CDKN2B-AS1: variants seen among roughly 807,000 people sequenced by gnomAD.
The protein encoded by CDKN2B-AS1 is CDKN2B antisense RNA 1 (non-protein coding).
chr9:22,102,261 GT>G (rs996015632), intron 4 of CDKN2B-AS1, among the ~76,000 whole-genome samples: 1 of 152,132 alleles, frequency 6.6e-6, no homozygotes, highest in African/African-American at 2.4e-5. Context: ...ATCAGTTTTA[GT>G]ACTGAAAAAT....
chr9:22,076,483 AAATT>A (rs1824497464), intron 4 of CDKN2B-AS1, among the ~76,000 whole-genome samples: 1 of 152,224 alleles, frequency 6.6e-6, no homozygotes, highest in African/African-American at 2.4e-5. Flanking sequence ...GAAACAGGTA[AAATT>A]AATTTAATTT....
intron 4 of CDKN2B-AS1, among the ~76,000 whole-genome samples, chr9:22,083,791 T>C (rs1824779121): frequency 6.6e-6 from 1 of 152,200 alleles, no homozygotes; most frequent in African/African-American, 2.4e-5. Context: ...TGTGTTGAGA[T>C]GGACTGGTCC....
At chr9:22,089,183 A>G (rs1254032237) in intron 4 of CDKN2B-AS1, among the ~76,000 whole-genome samples, 2 of 152,216 alleles carry the variant, frequency 1.3e-5, no homozygotes, top group Non-Finnish European at 2.9e-5. Context: ...ATTTCAAAAG[A>G]TAATAGTTAA....
chr9:22,030,668 C>T (rs1161881372), intron 1 of CDKN2B-AS1: 2 of 151,892 alleles, frequency 1.3e-5, no homozygotes, highest in Non-Finnish European at 1.5e-5. Flanking sequence ...CTGCAACTTA[C>T]TAGGTAAGTG....
intron 4 of CDKN2B-AS1, chr9:22,059,198 C>T (rs1823699997): frequency 1.3e-5 from 2 of 152,226 alleles, no homozygotes; most frequent in East Asian, 1.9e-4. Context: ...TCCAAAAGTC[C>T]ACAGTCCAAA....
At position 22,006,036 on chromosome 9, in the gene CDKN2B-AS1, C is replaced by T. The variant is rs1474891525; in HGVS notation, n.29+10875C>T. On this transcript the variant is annotated intron_variant and non_coding_transcript_variant, in intron 1 of 4. Transcript: ENST00000650946. This position sits in a 1 kb window ranked among gnomAD's most constrained non-coding sequence, Gnocchi z 6.4. ...GTACCCTGCAACGTCGCGGTGGCCCCGCTCCTCGGCCAAGTCCACGGGCAG... is the reference window on the plus strand; with the variant it reads ...GTACCCTGCAACGTCGCGGTGGCCCTGCTCCTCGGCCAAGTCCACGGGCAG... 1.9e-6 allele frequency: 3 copies of T among 1,604,294 alleles called. No homozygotes were observed. The highest frequency in any genetic ancestry group is 1.7e-6 in the Non-Finnish European group (2 of 1,179,482).
chr9:22,108,798 G>T (rs1825727479), intron 4 of CDKN2B-AS1, among the ~76,000 whole-genome samples: 1 of 152,022 alleles, frequency 6.6e-6, no homozygotes, highest in South Asian at 2.1e-4. Flanking sequence ...TCTTGTTTTG[G>T]ACTACTACAA....
At chr9:22,024,131 T>G (rs186658318) in intron 1 of CDKN2B-AS1, among the ~76,000 whole-genome samples, 35 of 152,332 alleles carry the variant, frequency 2.3e-4, no homozygotes, top group Non-Finnish European at 3.8e-4. Context: ...TTTATCCTAT[T>G]TGATGACCTT....
chr9:22,115,941 C>G (rs1463928213), intron 4 of CDKN2B-AS1, among the ~76,000 whole-genome samples: 1 of 152,166 alleles, frequency 6.6e-6, no homozygotes, highest in East Asian at 1.9e-4. Flanking sequence ...CCATTTTTTA[C>G]TCCTGTTCGG....
chr9:22,068,003 A>C (rs977896465), intron 4 of CDKN2B-AS1, among the ~76,000 whole-genome samples: 3 of 152,208 alleles, frequency 2.0e-5, no homozygotes, highest in Non-Finnish European at 2.9e-5. Context: ...ACAATAATTT[A>C]TTGAGCACAA....
At chr9:22,047,868 C>T (rs1185123390) in intron 2 of CDKN2B-AS1, among the ~76,000 whole-genome samples, 1 of 151,712 alleles carries the variant, frequency 6.6e-6, no homozygotes, top group Non-Finnish European at 1.5e-5. Context: ...TTCATTGCAG[C>T]CTCAACCTCT....
chr9:22,063,946 G>A (rs1166973193), intron 4 of CDKN2B-AS1: 1 of 152,214 alleles, frequency 6.6e-6, no homozygotes, highest in East Asian at 1.9e-4. Context: ...TCCCATAGGT[G>A]ATGGAGGCTT....
chr9:22,005,652 C>T lies in CDKN2B-AS1; in HGVS notation n.29+10491C>T. 2.1e-6 allele frequency: 1 copy of T among 473,034 alleles called. No individual in the cohort carries two copies. The allele number at this position is 473,034 out of a possible 1,614,324, so 29.3% of individuals were successfully genotyped here. A position where few individuals can be genotyped will look rare whatever the true frequency, so the allele number is the denominator to read the frequency against. On this transcript the variant is annotated intron_variant and non_coding_transcript_variant, in intron 1 of 4. Coordinates refer to ENST00000650946, the Ensembl canonical transcript of CDKN2B-AS1. This position sits in a 1 kb window ranked among gnomAD's most constrained non-coding sequence, Gnocchi z 4.9. ...GATTCATCCATCGGAAGATTCGTAGCCACCAGGTCCAGTCAAGGATTTCAT... is the reference window on the plus strand; with the variant it reads ...GATTCATCCATCGGAAGATTCGTAGTCACCAGGTCCAGTCAAGGATTTCAT...
chr9:22,006,842 T>A lies in CDKN2B-AS1; in HGVS notation n.29+11681T>A, dbSNP rs939323864. Among the ~76,000 whole-genome samples, 28 of 152,060 alleles carry A rather than the reference T, an allele frequency of 1.8e-4. No individual in the cohort carries two copies. Among genetic ancestry groups the A allele is most frequent in the African/African-American group, 6.5e-4 (27 of 41,402 alleles). ...TGTGTCTGAGCTCATAACTGGCTTG[T>A]AGTGTGATAATTTGAGCCAAAGTTG... On this transcript the variant is annotated intron_variant and non_coding_transcript_variant, in intron 1 of 4. Coordinates refer to ENST00000650946, the Ensembl canonical transcript of CDKN2B-AS1. The surrounding 1 kb of genome is among the most constrained non-coding windows in gnomAD (Gnocchi z 6.4).
Position 22,005,949 on chromosome 9 carries a change from GAAAAT to G in CDKN2B-AS1, n.29+10792_29+10796del. 6.3e-7 allele frequency: 1 copy of G among 1,597,218 alleles called. No individual in the cohort carries two copies. The highest frequency in any genetic ancestry group is 8.5e-7 in the Non-Finnish European group (1 of 1,179,222). Reference sequence around the variant, plus strand: ...TGGGTGGGGGTGGGAAATTGGGTAAGAAAATAAAGTCGTTGTGGGCGGCTGGGGAA... The same window carrying G: ...TGGGTGGGGGTGGGAAATTGGGTAAGAAAGTCGTTGTGGGCGGCTGGGGAA... On this transcript the variant is annotated intron_variant and non_coding_transcript_variant, in intron 1 of 4. Coordinates refer to ENST00000650946, the Ensembl canonical transcript of CDKN2B-AS1. The surrounding 1 kb of genome is among the most constrained non-coding windows in gnomAD (Gnocchi z 4.9).
rs181783301 is a variant in CDKN2B-AS1 at position 22,020,843 on chromosome 9, G to C, written n.29+25682G>C. Among the ~76,000 whole-genome samples the C allele has an allele frequency of 1.3e-3, 201 of 152,290 alleles. 1 individual carries two copies. The highest frequency in any genetic ancestry group is 4.5e-3 in the African/African-American group (189 of 41,566). On this transcript the variant is annotated intron_variant and non_coding_transcript_variant, in intron 1 of 4. Coordinates refer to ENST00000650946, the Ensembl canonical transcript of CDKN2B-AS1. ...CTGTAGGTTGTCTGTTTACTCTGTT[G>C]ATAGTTTCTTTTACCGTGCAGAAGC...
chr9:22,014,766 C>T (rs919775973), intron 1 of CDKN2B-AS1, among the ~76,000 whole-genome samples: 1 of 121,868 alleles, frequency 8.2e-6, no homozygotes, highest in Admixed American at 9.4e-5. Flanking sequence ...CCCCTCCCCC[C>T]ACCCCACAAC....
At chr9:22,121,560 C>T (rs188591405) in intron 4 of CDKN2B-AS1, among the ~76,000 whole-genome samples, 2 of 152,136 alleles carry the variant, frequency 1.3e-5, no homozygotes, top group East Asian at 3.9e-4. Context: ...TCCCTTCCCC[C>T]TACTTTTCCT....
At chr9:22,110,357 A>T (rs1264207253) in intron 4 of CDKN2B-AS1, among the ~76,000 whole-genome samples, 2 of 152,160 alleles carry the variant, frequency 1.3e-5, no homozygotes, top group Admixed American at 1.3e-4. Context: ...TTGGATGAGT[A>T]AAGTTTGAAA....
Sources: allele counts gnomAD v4.1 joint callset (sites outside exome capture counted in the v4.1 genomes callset), GRCh38; gene constraint gnomAD v4.1.1; non-coding constraint Gnocchi (gnomAD v3.1); transcripts MANE v1.5; gene names NCBI Gene and HGNC (gene_info 2026-07-23, HGNC 2026-07-21).